The following AGBL4 variants were observed in gnomAD, a reference collection of about 807,000 sequenced individuals.
The protein encoded by AGBL4 is cytosolic carboxypeptidase 6.
A neutral mutation model predicts 66.4 loss-of-function variants in AGBL4; 58 were observed. The observed-to-expected ratio is 0.87, with a 90% confidence interval of 0.71 to 1.09. The LOEUF (loss-of-function observed/expected upper bound fraction) is 1.09. Among genes scored for constraint, AGBL4 ranks in the 50% least tolerant of loss-of-function variants. AGBL4 has a pLI of 0.00. For synonymous variants in AGBL4, 234 were observed against 222.9 expected (o/e 1.05, Z -0.44); for missense variants, 579 against 631.0 (o/e 0.92, Z 0.88).
At chr1:48,972,158 G>A (rs188384134) in intron 5 of AGBL4, among the ~76,000 whole-genome samples, 15 of 152,142 alleles carry the variant, frequency 9.9e-5, no homozygotes, top group Non-Finnish European at 2.1e-4. Flanking sequence ...ACTTCGTACC[G>A]AGGTGCTTTT....
At chr1:49,892,707 C>T (rs1254354110) in intron 1 of AGBL4, among the ~76,000 whole-genome samples, 1 of 152,112 alleles carries the variant, frequency 6.6e-6, no homozygotes, top group Non-Finnish European at 1.5e-5. Flanking sequence ...CCCTGAAGTC[C>T]TTACAAAAAT....
chr1:48,689,269 C>G (rs1029056214), intron 6 of AGBL4, among the ~76,000 whole-genome samples: 1 of 151,164 alleles, frequency 6.6e-6, no homozygotes, highest in Admixed American at 6.6e-5. Flanking sequence ...TCATGGAGTC[C>G]TTATACTCAG....
intron 3 of AGBL4, among the ~76,000 whole-genome samples, chr1:49,316,625 A>G (rs1340398347): frequency 1.3e-5 from 2 of 151,932 alleles, no homozygotes; most frequent in Non-Finnish European, 1.5e-5. Context: ...TTAAGCAAAG[A>G]GTATTATTTA....
chr1:48,856,870 C>A (rs1361945398), intron 6 of AGBL4, among the ~76,000 whole-genome samples: 1 of 152,134 alleles, frequency 6.6e-6, no homozygotes, highest in Non-Finnish European at 1.5e-5. Flanking sequence ...ATGTCCCTGA[C>A]ATTCTAGGCT....
chr1:49,741,708 A>T (rs1428860645), intron 2 of AGBL4, among the ~76,000 whole-genome samples: 4 of 152,204 alleles, frequency 2.6e-5, no homozygotes, highest in African/African-American at 9.7e-5. Flanking sequence ...CATCATGATC[A>T]AGGGGGCTTC....
intron 3 of AGBL4, among the ~76,000 whole-genome samples, chr1:49,382,911 G>A (rs1570580705): frequency 1.3e-5 from 2 of 152,074 alleles, no homozygotes; most frequent in Admixed American, 1.3e-4. Context: ...AGGCTGATGT[G>A]GAAAGATCAC....
chr1:49,484,932 A>T (rs2148732518), intron 3 of AGBL4, among the ~76,000 whole-genome samples: 1 of 152,070 alleles, frequency 6.6e-6, no homozygotes, highest in East Asian at 1.9e-4. Context: ...ATGTAAAAGA[A>T]AAAAGCAGAA....
intron 3 of AGBL4, among the ~76,000 whole-genome samples, chr1:49,556,369 G>A (rs903227945): frequency 2.0e-5 from 3 of 151,962 alleles, no homozygotes; most frequent in Admixed American, 6.6e-5. Flanking sequence ...ACATACTGGC[G>A]CCTGTCGTGA....
At chr1:49,703,801 G>A (rs1469612104) in intron 2 of AGBL4, among the ~76,000 whole-genome samples, 5 of 151,874 alleles carry the variant, frequency 3.3e-5, no homozygotes, top group African/African-American at 9.7e-5. Context: ...AGATGAGAGT[G>A]TTATTTACAT....
intron 6 of AGBL4, among the ~76,000 whole-genome samples, chr1:48,781,712 T>C (rs1265056448): frequency 2.0e-5 from 3 of 152,214 alleles, no homozygotes; most frequent in South Asian, 2.1e-4. Flanking sequence ...AGAAAGGTCT[T>C]TTTTACTTGC....
Position 48,953,511 on chromosome 1 carries a change from A to G in AGBL4, c.595-86281T>C, listed in dbSNP as rs1657172629. Among the ~76,000 whole-genome samples the G allele has an allele frequency of 2.0e-5, 3 of 152,188 alleles. No homozygotes were observed. The South Asian group carries it at 6.2e-4, about 32-fold the overall frequency. On this transcript the variant is annotated intron_variant, in intron 5 of 13. Transcript: ENST00000371839. Reference sequence around the variant, plus strand: ...AGCTGCAGGAGAGGCTGGAGAAGTGAGTTTTTAACTTCTATCTTGATGAGG... The same window carrying G: ...AGCTGCAGGAGAGGCTGGAGAAGTGGGTTTTTAACTTCTATCTTGATGAGG...
intron 5 of AGBL4, among the ~76,000 whole-genome samples, chr1:49,038,787 T>C (rs1377637274): frequency 6.6e-6 from 1 of 152,040 alleles, no homozygotes; most frequent in Non-Finnish European, 1.5e-5. Flanking sequence ...GGAAGACAGT[T>C]TGGTGATTTC....
chr1:49,343,227 G>C (rs890758058), intron 3 of AGBL4, among the ~76,000 whole-genome samples: 2 of 152,260 alleles, frequency 1.3e-5, no homozygotes, highest in Admixed American at 1.3e-4. Flanking sequence ...GGGAGAAATA[G>C]AGAAGGTGCC....
chr1:50,007,419 A>C (rs1661218494), intron 1 of AGBL4, among the ~76,000 whole-genome samples: 1 of 152,192 alleles, frequency 6.6e-6, no homozygotes, highest in African/African-American at 2.4e-5. Context: ...AAAGACATAC[A>C]GTGGCTACAT....
At chr1:49,335,570 C>T (rs752799841) in intron 3 of AGBL4, among the ~76,000 whole-genome samples, 19 of 151,738 alleles carry the variant, frequency 1.3e-4, no homozygotes, top group Non-Finnish European at 2.6e-4. Flanking sequence ...GCCTGGAGTG[C>T]AGTGGTGCAA....
chr1:48,613,073 G>T (rs901567548), intron 9 of AGBL4, among the ~76,000 whole-genome samples: 1 of 152,120 alleles, frequency 6.6e-6, no homozygotes, highest in Non-Finnish European at 1.5e-5. Context: ...GGCGGAGGTT[G>T]CAGTGAACCG....
chr1:49,914,015 T>C (rs1651131257), intron 1 of AGBL4, among the ~76,000 whole-genome samples: 1 of 152,214 alleles, frequency 6.6e-6, no homozygotes, highest in Non-Finnish European at 1.5e-5. Context: ...CTTCAAGGTC[T>C]TTCTCCCATT....
intron 5 of AGBL4, among the ~76,000 whole-genome samples, chr1:48,926,554 G>A (rs1320292590): frequency 6.6e-6 from 1 of 151,878 alleles, no homozygotes; most frequent in African/African-American, 2.4e-5. Context: ...CTCCCAAAGT[G>A]CTGGGATTAC....
intron 3 of AGBL4, among the ~76,000 whole-genome samples, chr1:49,306,287 T>A (rs1418634646): frequency 2.0e-5 from 3 of 152,256 alleles, no homozygotes; most frequent in African/African-American, 2.4e-5. Flanking sequence ...GGATTATTGG[T>A]TTGCAAAGAA....
Sources: allele counts gnomAD v4.1 joint callset (sites outside exome capture counted in the v4.1 genomes callset), GRCh38; gene constraint gnomAD v4.1.1; transcripts MANE v1.5; gene names NCBI Gene and HGNC (gene_info 2026-07-23, HGNC 2026-07-21).